The following PARD6G variants were observed in gnomAD, a reference collection of about 807,000 sequenced individuals.
The protein encoded by PARD6G is partitioning defective 6 homolog gamma.
In PARD6G, 7 loss-of-function variants were observed where a neutral mutation model predicts 10.7. That is an observed-to-expected ratio of 0.66 (90% CI 0.37 to 1.23). The LOEUF is 1.23. PARD6G is among the 50% of genes most tolerant of loss of function. The probability of loss-of-function intolerance (pLI) is 0.02; values close to 1 mark genes in which losing one functional copy is unlikely to be tolerated. For missense variants in PARD6G, 548 were observed against 571.8 expected (o/e 0.96, Z 0.42); for synonymous variants, 287 against 269.4 (o/e 1.07, Z -0.64).
intron 1 of PARD6G, among the ~76,000 whole-genome samples, chr18:80,245,014 C>T (rs752059485): frequency 1.3e-5 from 2 of 152,156 alleles, no homozygotes; most frequent in Non-Finnish European, 1.5e-5. Flanking sequence ...CAAGGACACC[C>T]CAGTTCAACC....
At chr18:80,224,839 T>G (rs1464404984) in intron 1 of PARD6G, among the ~76,000 whole-genome samples, 2 of 145,480 alleles carry the variant, frequency 1.4e-5, no homozygotes, top group Non-Finnish European at 3.0e-5. Context: ...AGAGTGAGAC[T>G]CCGTTTCAAA....
rs186199911 is a variant in PARD6G at position 80,193,209 on chromosome 18, G to T, written c.295+9501C>A. On this transcript the variant is annotated intron_variant, in intron 2 of 2. Coordinates refer to ENST00000353265, the MANE Select transcript of PARD6G (RefSeq NM_032510.4). The stretch of plus-strand genomic sequence containing the variant: ...AGGTCCTAGGAGCCTGTGGCCTGGG[G>T]TGTGGTCAGTACACAGGCGCTGGGA... 2.6e-3 allele frequency among the ~76,000 whole-genome samples: 392 copies of T among 152,270 alleles called. 3 individuals are homozygous for T. Among genetic ancestry groups the T allele is most frequent in the Non-Finnish European group, 2.9e-3 (199 of 68,024 alleles).
At chr18:80,243,130 A>G (rs955582779) in intron 1 of PARD6G, among the ~76,000 whole-genome samples, 1 of 152,152 alleles carries the variant, frequency 6.6e-6, no homozygotes, top group African/African-American at 2.4e-5. Flanking sequence ...TTATATGTGT[A>G]TATTCTATAT....
At chr18:80,244,560 T>G (rs1157073609) in intron 1 of PARD6G, among the ~76,000 whole-genome samples, 1 of 152,230 alleles carries the variant, frequency 6.6e-6, no homozygotes, top group African/African-American at 2.4e-5. Context: ...AATTCTGACC[T>G]GCAGTATTTA....
intron 2 of PARD6G, among the ~76,000 whole-genome samples, chr18:80,193,928 G>A (rs1418038288): frequency 6.6e-6 from 1 of 152,216 alleles, no homozygotes; most frequent in Non-Finnish European, 1.5e-5. Context: ...CTGAGTACAG[G>A]TGGGATGTGC....
In PARD6G at chr18:80,192,459, G is replaced by A. The variant is rs1204097196; in HGVS notation, c.295+10251C>T. Among the ~76,000 whole-genome samples the A allele has an allele frequency of 2.6e-5, 4 of 152,004 alleles. No individual in the cohort carries two copies. Among genetic ancestry groups the A allele is most frequent in the Non-Finnish European group, 4.4e-5 (3 of 67,938 alleles). On this transcript the variant is annotated intron_variant, in intron 2 of 2. Transcript: ENST00000353265. The surrounding 1 kb of genome is among the most constrained non-coding windows in gnomAD (Gnocchi z 4.9). ...GGGGAGAGCAGGTGCCACGGCGGGA[G>A]CCCAGGGGACGGGGGAGAGCAGGTG... is the stretch of plus-strand genomic sequence containing the variant.
chr18:80,205,710 C>T (rs534518352), intron 1 of PARD6G, among the ~76,000 whole-genome samples: 28 of 152,298 alleles, frequency 1.8e-4, no homozygotes, highest in African/African-American at 6.7e-4. Context: ...AGATGGTCAC[C>T]ATGCTTCCTG....
intron 1 of PARD6G, among the ~76,000 whole-genome samples, chr18:80,222,541 C>T (rs771329935): frequency 2.0e-5 from 3 of 152,084 alleles, no homozygotes; most frequent in Non-Finnish European, 2.9e-5. Flanking sequence ...ATCTTGAAAA[C>T]GAAAAACATA....
intron 2 of PARD6G, among the ~76,000 whole-genome samples, chr18:80,196,890 TAAAA>T (rs572719232): frequency 1.2e-4 from 11 of 88,026 alleles, no homozygotes; most frequent in South Asian, 9.5e-4. Context: ...TTTCTTTTAT[TAAAA>T]AAAAAAAAAA....
Position 80,157,300 on chromosome 18 carries a change from T to C in PARD6G, c.*2471A>G, listed in dbSNP as rs2052662245. ...ATAAAACCAAGAAAACTTTAATACATAATATGCATAGTTTTGTTTTTTTAA... is the reference window on the plus strand; with the variant it reads ...ATAAAACCAAGAAAACTTTAATACACAATATGCATAGTTTTGTTTTTTTAA... On this transcript the variant is annotated 3_prime_UTR_variant, in exon 3 of 3. Coordinates refer to ENST00000353265, the MANE Select transcript of PARD6G (RefSeq NM_032510.4). The C allele has an allele frequency of 6.6e-6, 1 of 152,206 alleles. No homozygotes were observed. Among genetic ancestry groups the C allele is most frequent in the South Asian group, 2.1e-4 (1 of 4,838 alleles). 9.4% of individuals were successfully genotyped at this position (152,206 alleles called of 1,614,324 possible).
chr18:80,217,526 T>C (rs1015427670), intron 1 of PARD6G, among the ~76,000 whole-genome samples: 1 of 152,240 alleles, frequency 6.6e-6, no homozygotes, highest in Non-Finnish European at 1.5e-5. Context: ...GTTGATAGCA[T>C]GTATCTTGAT....
rs1031945959 is a variant in PARD6G, at chr18:80,159,281, C to T, written c.*490G>A. On this transcript the variant is annotated 3_prime_UTR_variant, in exon 3 of 3. Transcript: ENST00000353265. ...GGGATTACAGACGTGAGCCACTGCACCTGGCTGCATTCGTTATTAAAAACC... is the reference window on the plus strand; with the variant it reads ...GGGATTACAGACGTGAGCCACTGCATCTGGCTGCATTCGTTATTAAAAACC... The T allele has an allele frequency of 2.1e-4, 32 of 152,668 alleles. No homozygotes were observed. Among genetic ancestry groups the T allele is most frequent in the Non-Finnish European group, 4.1e-4 (28 of 68,176 alleles). 9.5% of individuals were successfully genotyped at this position (152,668 alleles called of 1,614,324 possible).
rs2052688187 is a variant in PARD6G at position 80,160,159 on chromosome 18, T to A, written c.743A>T (p.Lys248Met). ...ANSHNLIVTVKPANQRNNVVR... is the reference protein window; with the variant it reads ...ANSHNLIVTVMPANQRNNVVR... ...CACGTTGTTGCGCTGGTTGGCGGGCTTGACGGTGACGATGAGGTTGTGGCT... is the reference window on the plus strand; with the variant it reads ...CACGTTGTTGCGCTGGTTGGCGGGCATGACGGTGACGATGAGGTTGTGGCT... The change falls in exon 3 of 3, where the codon AAG becomes ATG. Residue 248 changes from lysine to methionine, a missense_variant. Physicochemically the swap from Lys to Met is moderately conservative, Grantham distance 95. Transcript: ENST00000353265. 1 of 1,613,402 alleles carries A rather than the reference T, an allele frequency of 6.2e-7. No homozygotes were observed. The highest frequency in any genetic ancestry group is 2.2e-5 in the East Asian group (1 of 44,852).
Position 80,239,119 on chromosome 18 carries a change from G to A in PARD6G, c.72+8158C>T, listed in dbSNP as rs139905715. On this transcript the variant is annotated intron_variant, in intron 1 of 2. Transcript: ENST00000353265. Reference sequence around the variant, plus strand: ...CCACTGTCTATGAAGTATGGGATGAGTGACTGATGTGAAGGGAGAATAAGG... The same window carrying A: ...CCACTGTCTATGAAGTATGGGATGAATGACTGATGTGAAGGGAGAATAAGG... Among the ~76,000 whole-genome samples the A allele has an allele frequency of 8.8e-3, 1,335 of 152,232 alleles. 23 individuals are homozygous for A. The highest frequency in any genetic ancestry group is 0.031 in the African/African-American group (1,281 of 41,528).
rs1568431196 is a variant in PARD6G at position 80,183,158 on chromosome 18, A to C, written c.295+19552T>G. 4.3e-6 allele frequency: 3 copies of C among 702,818 alleles called. No homozygotes were observed. Among genetic ancestry groups the C allele is most frequent in the Non-Finnish European group, 7.8e-6 (3 of 384,996 alleles). The allele number at this position is 702,818 out of a possible 1,614,324, so 43.5% of individuals were successfully genotyped here. A position where few individuals can be genotyped will look rare whatever the true frequency, so the allele number is the denominator to read the frequency against. On this transcript the variant is annotated intron_variant, in intron 2 of 2. Transcript: ENST00000353265. The surrounding 1 kb of genome is among the most constrained non-coding windows in gnomAD (Gnocchi z 4.5). ...GTCGCAGGGCTCCGTCATCTGCAGGAAAATTAGTGAAGAAGTGGAGGGCCT... is the reference window on the plus strand; with the variant it reads ...GTCGCAGGGCTCCGTCATCTGCAGGCAAATTAGTGAAGAAGTGGAGGGCCT...
At chr18:80,235,075 A>C (rs908701174) in intron 1 of PARD6G, among the ~76,000 whole-genome samples, 1 of 152,174 alleles carries the variant, frequency 6.6e-6, no homozygotes, top group Non-Finnish European at 1.5e-5. Flanking sequence ...CCACCACACC[A>C]CACCTATTCC....
At chr18:80,236,887 G>T (rs536722301) in intron 1 of PARD6G, among the ~76,000 whole-genome samples, 1 of 152,110 alleles carries the variant, frequency 6.6e-6, no homozygotes, top group Non-Finnish European at 1.5e-5. Flanking sequence ...ATGCTCATGG[G>T]TAGGAAGAAT....
At chr18:80,243,797 G>A (rs1967514409) in intron 1 of PARD6G, among the ~76,000 whole-genome samples, 1 of 152,116 alleles carries the variant, frequency 6.6e-6, no homozygotes, top group Admixed American at 6.5e-5. Flanking sequence ...GATTCTCAGA[G>A]AAAGCATTTC....
At chr18:80,162,383 A>G (rs1402806763) in intron 2 of PARD6G, 1 of 162,204 alleles carries the variant, frequency 6.2e-6, no homozygotes, top group Non-Finnish European at 1.5e-5. Flanking sequence ...TGTACCCACA[A>G]AAATAAAAAA....
Sources: allele counts gnomAD v4.1 joint callset (sites outside exome capture counted in the v4.1 genomes callset), GRCh38; gene constraint gnomAD v4.1.1; non-coding constraint Gnocchi (gnomAD v3.1); transcripts MANE v1.5; gene names NCBI Gene and HGNC (gene_info 2026-07-23, HGNC 2026-07-21).